The following INPP4B variants were observed in gnomAD, a reference collection of about 807,000 sequenced individuals.
INPP4B encodes the protein inositol polyphosphate 4-phosphatase type II.
A neutral mutation model predicts 122.5 loss-of-function variants in INPP4B; 55 were observed. That is an observed-to-expected ratio of 0.45 (90% CI 0.36 to 0.56). The LOEUF (loss-of-function observed/expected upper bound fraction) is 0.56, where lower values mean the gene tolerates loss of function less well. Among genes scored for constraint, INPP4B ranks in the 20% least tolerant of loss-of-function variants. The pLI, the probability that INPP4B is intolerant of heterozygous loss-of-function variation, is 0.00. For synonymous variants in INPP4B, 403 were observed against 388.7 expected (o/e 1.04, Z -0.43); for missense variants, 1,000 against 1,097.7 (o/e 0.91, Z 1.26).
chr4:142,506,359 C>T (rs915097870), intron 2 of INPP4B, among the ~76,000 whole-genome samples: 14 of 152,058 alleles, frequency 9.2e-5, no homozygotes, highest in Admixed American at 3.9e-4. Context: ...CTTTCTTCCT[C>T]ACCTATCACC....
At chr4:142,362,263 A>T (rs1785707648) in intron 7 of INPP4B, among the ~76,000 whole-genome samples, 1 of 152,030 alleles carries the variant, frequency 6.6e-6, no homozygotes, top group African/African-American at 2.4e-5. Context: ...GTGCAAACAA[A>T]TATATCATGT....
chr4:142,314,731 T>A lies in INPP4B; in HGVS notation c.404A>T (p.Asp135Val). The stretch of plus-strand genomic sequence containing the variant: ...ACTTACCCCAACTTCTGGCGGGGGA[T>A]CCTTATGTTCTGGTAGGACACTGGT... ...VRTSVLPEHK[D>V]PPPEVGRSFL... The change falls in exon 8 of 26, where the codon GAT becomes GTT. Residue 135 changes from aspartate to valine, a missense_variant. Physicochemically the swap from Asp to Val is radical, Grantham distance 152. Transcript: ENST00000262992. 1.2e-6 allele frequency: 2 copies of A among 1,600,718 alleles called. No homozygotes were observed. The highest frequency in any genetic ancestry group is 1.7e-6 in the Non-Finnish European group (2 of 1,175,026).
chr4:142,365,478 C>A (rs1003245578), intron 7 of INPP4B, among the ~76,000 whole-genome samples: 1 of 152,072 alleles, frequency 6.6e-6, no homozygotes, highest in Non-Finnish European at 1.5e-5. Context: ...CATTTGCAGC[C>A]CTTTCAGCAG....
At chr4:142,317,952 A>G (rs754596813) in intron 7 of INPP4B, among the ~76,000 whole-genome samples, 1 of 152,152 alleles carries the variant, frequency 6.6e-6, no homozygotes, top group Non-Finnish European at 1.5e-5. Context: ...GTGGAGTTTT[A>G]TTCCACTGAA....
At chr4:142,494,973 G>A (rs1391346013) in intron 2 of INPP4B, among the ~76,000 whole-genome samples, 1 of 152,082 alleles carries the variant, frequency 6.6e-6, no homozygotes, top group Non-Finnish European at 1.5e-5. Context: ...ACAACTGTAG[G>A]CAGTCACTAT....
rs1222863444 is a variant in INPP4B at position 142,421,829 on chromosome 4, G to A, written c.136+7344C>T. On this transcript the variant is annotated intron_variant, in intron 5 of 25. Transcript: ENST00000262992. ...TTACAATGAATTATACTTGCTCAGC[G>A]CTTCCATAGTTTTTGGTTTATGCCT... 3.9e-5 allele frequency among the ~76,000 whole-genome samples: 6 copies of A among 151,988 alleles called. No individual in the cohort carries two copies. In the East Asian group the frequency reaches 1.2e-3, roughly 29 times the overall value.
At chr4:142,226,619 T>C (rs1355289964) in intron 12 of INPP4B, among the ~76,000 whole-genome samples, 1 of 152,172 alleles carries the variant, frequency 6.6e-6, no homozygotes, top group East Asian at 1.9e-4. Context: ...TTCAATCAGA[T>C]TTTGTGCGCC....
chr4:142,067,140 C>G (rs1373697362), intron 25 of INPP4B, among the ~76,000 whole-genome samples: 1 of 152,174 alleles, frequency 6.6e-6, no homozygotes, highest in African/African-American at 2.4e-5. Context: ...GAGGAAGGAT[C>G]AGGCAACAAC....
chr4:142,173,558 T>C, intron 16 of INPP4B, 74 bp downstream of exon 16: 1 of 1,248,502 alleles, frequency 8.0e-7, no homozygotes, highest in South Asian at 1.4e-5. Flanking sequence ...TGAATGGCGA[T>C]GTATGCAGAA....
At chr4:142,065,380 C>CA (rs1762997141) in intron 25 of INPP4B, among the ~76,000 whole-genome samples, 1 of 152,108 alleles carries the variant, frequency 6.6e-6, no homozygotes, top group South Asian at 2.1e-4. Flanking sequence ...TTAAAGCCCA[C>CA]ATGTACAAAT....
chr4:142,036,384 T>G (rs989620219), intron 25 of INPP4B, among the ~76,000 whole-genome samples: 2 of 152,172 alleles, frequency 1.3e-5, no homozygotes, highest in African/African-American at 2.4e-5. Flanking sequence ...TGATTATAAA[T>G]TTAGCTTAAC....
At chr4:142,582,539 C>A (rs1257979312) in intron 2 of INPP4B, among the ~76,000 whole-genome samples, 3 of 152,024 alleles carry the variant, frequency 2.0e-5, no homozygotes, top group African/African-American at 7.2e-5. Context: ...TCAAGATGTT[C>A]CAGAAAGAAT....
intron 2 of INPP4B, among the ~76,000 whole-genome samples, chr4:142,720,813 A>ATG (rs1240013544): frequency 1.0e-5 from 1 of 95,494 alleles, no homozygotes; most frequent in African/African-American, 3.9e-5. Context: ...CTCTCTCTAT[A>ATG]TATATATATA....
At chr4:142,588,993 A>AG (rs2150237011) in intron 2 of INPP4B, among the ~76,000 whole-genome samples, 1 of 151,972 alleles carries the variant, frequency 6.6e-6, no homozygotes, top group Non-Finnish European at 1.5e-5. Flanking sequence ...GCAAAAGAGT[A>AG]GAAAAAAAAT....
chr4:142,062,372 T>C (rs553130720), intron 25 of INPP4B, among the ~76,000 whole-genome samples: 2 of 152,148 alleles, frequency 1.3e-5, no homozygotes, highest in East Asian at 3.9e-4. Context: ...GAGTCTTCAG[T>C]TGAAAAATCT....
rs143366960 is a variant in INPP4B, at chr4:142,763,508, G to A, written c.-253-37607C>T. Among the ~76,000 whole-genome samples the A allele has an allele frequency of 1.1e-4, 17 of 152,242 alleles. No individual in the cohort carries two copies. In the East Asian group the frequency reaches 3.3e-3, roughly 29 times the overall value. ...TATTGTCCTAATAAACAGGATGGAA[G>A]AGTTTCACCAGAAAAATCAACCCAT... On this transcript the variant is annotated intron_variant, in intron 1 of 25. Coordinates refer to ENST00000262992, the MANE Select transcript of INPP4B (RefSeq NM_001101669.3).
intron 2 of INPP4B, among the ~76,000 whole-genome samples, chr4:142,714,288 GGTGCCACT>G (rs1466224723): frequency 5.9e-5 from 9 of 152,286 alleles, no homozygotes; most frequent in Admixed American, 3.3e-4. Context: ...GATCAAAATT[GGTGCCACT>G]GTCATTGTAC....
At chr4:142,213,632 T>C (rs1020397283) in intron 12 of INPP4B, among the ~76,000 whole-genome samples, 1 of 152,218 alleles carries the variant, frequency 6.6e-6, no homozygotes, top group Non-Finnish European at 1.5e-5. Context: ...CCCATTCACA[T>C]GTCTCTTGCT....
chr4:142,811,610 G>A (rs1779524950), intron 1 of INPP4B, among the ~76,000 whole-genome samples: 1 of 152,158 alleles, frequency 6.6e-6, no homozygotes, highest in South Asian at 2.1e-4. Flanking sequence ...TTAGAATGAT[G>A]TGACTAACAA....
Sources: gnomAD v4.1 joint callset for allele counts (sites outside exome capture counted in the v4.1 genomes callset) on GRCh38, gnomAD v4.1.1 for gene constraint, MANE v1.5 for transcripts, NCBI Gene and HGNC (gene_info 2026-07-23, HGNC 2026-07-21) for gene names.